The following ANKRD44 variants were observed in gnomAD, a reference collection of about 807,000 sequenced individuals.
ANKRD44 encodes serine/threonine-protein phosphatase 6 regulatory ankyrin repeat subunit B.
A neutral mutation model predicts 116.0 loss-of-function variants in ANKRD44; 35 were observed. That is an observed-to-expected ratio of 0.30 (90% CI 0.23 to 0.40). The LOEUF (loss-of-function observed/expected upper bound fraction) is 0.40, where lower values mean the gene tolerates loss of function less well. Ranked by LOEUF, ANKRD44 falls within the 10% of genes least tolerant of loss-of-function variation. The probability of loss-of-function intolerance (pLI) is 1.00; values close to 1 mark genes in which losing one functional copy is unlikely to be tolerated. For synonymous variants in ANKRD44, 435 were observed against 461.8 expected (o/e 0.94, Z 0.74); for missense variants, 1,014 against 1,242.6 (o/e 0.82, Z 2.77).
At chr2:197,202,639 C>G (rs1159615667) in intron 1 of ANKRD44, among the ~76,000 whole-genome samples, 1 of 123,174 alleles carries the variant, frequency 8.1e-6, no homozygotes, top group African/African-American at 5.1e-5. Flanking sequence ...GTGGCATAAC[C>G]ACAGTTCACT....
At chr2:197,149,642 C>T (rs2079591121) in intron 2 of ANKRD44, among the ~76,000 whole-genome samples, 1 of 152,166 alleles carries the variant, frequency 6.6e-6, no homozygotes. Flanking sequence ...AGCAGAACCA[C>T]AGAAACAATC....
chr2:197,073,013 C>T (rs888606556), intron 16 of ANKRD44, among the ~76,000 whole-genome samples: 1 of 152,194 alleles, frequency 6.6e-6, no homozygotes, highest in Non-Finnish European at 1.5e-5. Context: ...CATTGTTAAA[C>T]TTATTAAAAC....
intron 2 of ANKRD44, among the ~76,000 whole-genome samples, chr2:197,173,543 C>T (rs140723610): frequency 1.2e-3 from 186 of 152,278 alleles, no homozygotes; most frequent in Non-Finnish European, 2.1e-3. Context: ...CACCTTGACA[C>T]ATTTGTTCTC....
intron 17 of ANKRD44, among the ~76,000 whole-genome samples, chr2:197,019,795 T>A (rs1052151298): frequency 3.3e-5 from 5 of 151,906 alleles, no homozygotes; most frequent in Non-Finnish European, 7.4e-5. Flanking sequence ...TTTCTTTTTT[T>A]TTCTTTCTTT....
chr2:197,020,757 T>C (rs1444771878), intron 17 of ANKRD44, among the ~76,000 whole-genome samples: 1 of 152,078 alleles, frequency 6.6e-6, no homozygotes, highest in Non-Finnish European at 1.5e-5. Context: ...AAAAGCCTTA[T>C]TAGGTAACAA....
At chr2:197,261,452 C>G (rs1417258911) in intron 1 of ANKRD44, among the ~76,000 whole-genome samples, 6 of 151,030 alleles carry the variant, frequency 4.0e-5, no homozygotes, top group African/African-American at 1.5e-4. Context: ...TGTTTTGGTA[C>G]CAGTACCATG....
chr2:197,194,686 T>C (rs956857138), intron 1 of ANKRD44, among the ~76,000 whole-genome samples: 2 of 152,240 alleles, frequency 1.3e-5, no homozygotes, highest in Non-Finnish European at 2.9e-5. Flanking sequence ...ACATTCTCTC[T>C]ATACGTATGC....
chr2:197,005,998 A>G (rs771231731), intron 20 of ANKRD44, 88 bp from the exon 21 acceptor site: 2 of 1,241,732 alleles, frequency 1.6e-6, no homozygotes, highest in Non-Finnish European at 2.3e-6. Context: ...GCTTAGAGCA[A>G]GTGGACATAT....
intron 4 of ANKRD44, among the ~76,000 whole-genome samples, chr2:197,130,397 C>T (rs1355403345): frequency 1.3e-5 from 2 of 152,170 alleles, no homozygotes; most frequent in East Asian, 3.8e-4. Flanking sequence ...CCATTAGGAA[C>T]GGCAGACACT....
intron 2 of ANKRD44, among the ~76,000 whole-genome samples, chr2:197,152,410 G>A: frequency 6.6e-6 from 1 of 152,188 alleles, no homozygotes; most frequent in East Asian, 1.9e-4. Flanking sequence ...TCACCCAGTA[G>A]CTCTAATTCC....
At chr2:197,249,890 A>G (rs1412198963) in intron 1 of ANKRD44, among the ~76,000 whole-genome samples, 1 of 152,252 alleles carries the variant, frequency 6.6e-6, no homozygotes, top group East Asian at 1.9e-4. Flanking sequence ...ATGGAAAGTG[A>G]AAGGCTAATA....
intron 26 of ANKRD44, among the ~76,000 whole-genome samples, chr2:196,993,960 T>C (rs1028117560): frequency 1.5e-4 from 23 of 152,212 alleles, no homozygotes; most frequent in African/African-American, 5.3e-4. Flanking sequence ...ACTCAAGCTT[T>C]GTTGTGTTTT....
chr2:197,073,620 T>C (rs1344078437), intron 16 of ANKRD44, among the ~76,000 whole-genome samples: 3 of 152,156 alleles, frequency 2.0e-5, no homozygotes, highest in South Asian at 2.1e-4. Flanking sequence ...GGGACACAAA[T>C]AAGATATCTA....
intron 2 of ANKRD44, among the ~76,000 whole-genome samples, chr2:197,161,599 G>A (rs1290535780): frequency 1.3e-5 from 2 of 152,018 alleles, no homozygotes; most frequent in East Asian, 1.9e-4. Context: ...TTCCATGGAT[G>A]GATTAAACAC....
At chr2:197,180,483 A>G (rs1035364317) in intron 2 of ANKRD44, among the ~76,000 whole-genome samples, 1 of 152,134 alleles carries the variant, frequency 6.6e-6, no homozygotes, top group Admixed American at 6.5e-5. Flanking sequence ...TGAGTGTGCC[A>G]CCGCCATTCC....
intron 16 of ANKRD44, among the ~76,000 whole-genome samples, chr2:197,049,909 A>G (rs1211827036): frequency 6.6e-6 from 1 of 152,106 alleles, no homozygotes; most frequent in Non-Finnish European, 1.5e-5. Flanking sequence ...TCTCTTTTTA[A>G]TCTTGGCCAA....
At chr2:197,169,285 C>G (rs2080170767) in intron 2 of ANKRD44, among the ~76,000 whole-genome samples, 1 of 152,200 alleles carries the variant, frequency 6.6e-6, no homozygotes, top group East Asian at 1.9e-4. Context: ...CCTCAAGAGA[C>G]CTTTCCTAAC....
intron 1 of ANKRD44, among the ~76,000 whole-genome samples, chr2:197,251,254 C>G (rs115313454): frequency 1.3e-5 from 2 of 152,128 alleles, no homozygotes; most frequent in Non-Finnish European, 2.9e-5. Context: ...TAAAAACATT[C>G]CATATTTTGT....
chr2:197,260,878 CTGAGAAGTGTCTGTTCATG>C (rs1159488324), intron 1 of ANKRD44, among the ~76,000 whole-genome samples: 34 of 18,006 alleles, frequency 1.9e-3, no homozygotes, highest in South Asian at 3.2e-3. Flanking sequence ...GCATAAATGT[CTGAGAAGTGTCTGTTCATG>C]TCCTTTGCCC....
Sources: allele counts gnomAD v4.1 joint callset (sites outside exome capture counted in the v4.1 genomes callset), GRCh38; gene constraint gnomAD v4.1.1; transcripts MANE v1.5; gene names NCBI Gene and HGNC (gene_info 2026-07-23, HGNC 2026-07-21).